The following SLC9A9 variants were observed in gnomAD, a reference collection of about 807,000 sequenced individuals.
SLC9A9 encodes sodium/hydrogen exchanger 9.
Under a neutral mutation model 77.8 loss-of-function variants are expected in SLC9A9, and 62 were observed. The ratio of observed to expected loss-of-function variants is 0.80; its 90% CI spans 0.65 to 0.98. SLC9A9 has a LOEUF of 0.98. SLC9A9 is among the 50% of genes least tolerant of loss of function. The probability of loss-of-function intolerance (pLI) is 0.00; values close to 1 mark genes in which losing one functional copy is unlikely to be tolerated. For missense variants in SLC9A9, 775 were observed against 774.9 expected (o/e 1.00, Z 0.00); for synonymous variants, 320 against 283.5 (o/e 1.13, Z -1.29).
intron 6 of SLC9A9, among the ~76,000 whole-genome samples, chr3:143,620,990 T>C (rs1169787929): frequency 2.0e-5 from 3 of 152,088 alleles, no homozygotes; most frequent in Non-Finnish European, 4.4e-5. Flanking sequence ...GCTCAGAGGG[T>C]CCTATGCCCA....
chr3:143,501,757 TTGAA>T (rs985926533), intron 9 of SLC9A9, among the ~76,000 whole-genome samples: 3 of 150,938 alleles, frequency 2.0e-5, no homozygotes, highest in Non-Finnish European at 2.9e-5. Flanking sequence ...CAACATTTCT[TTGAA>T]TGAACAGTCT....
At chr3:143,576,529 A>C (rs368209590) in intron 7 of SLC9A9, among the ~76,000 whole-genome samples, 103 of 152,274 alleles carry the variant, frequency 6.8e-4, no homozygotes, top group African/African-American at 2.4e-3. Flanking sequence ...CATGCTAGAC[A>C]CTCACAAAAT....
At chr3:143,526,450 C>T (rs891544673) in intron 9 of SLC9A9, among the ~76,000 whole-genome samples, 2 of 152,112 alleles carry the variant, frequency 1.3e-5, no homozygotes, top group Non-Finnish European at 2.9e-5. Flanking sequence ...AATGCAACTC[C>T]AAGCTAATAT....
At chr3:143,697,056 A>G (rs1279175541) in intron 4 of SLC9A9, among the ~76,000 whole-genome samples, 1 of 151,930 alleles carries the variant, frequency 6.6e-6, no homozygotes, top group East Asian at 1.9e-4. Context: ...ATTCAAAGCA[A>G]TCTTCTACAT....
chr3:143,801,034 C>T (rs1252145389), intron 2 of SLC9A9, among the ~76,000 whole-genome samples: 3 of 152,182 alleles, frequency 2.0e-5, no homozygotes, highest in Non-Finnish European at 2.9e-5. Flanking sequence ...TTTTGCCATC[C>T]TAACAAACCC....
intron 14 of SLC9A9, among the ~76,000 whole-genome samples, chr3:143,323,410 A>G (rs1395310312): frequency 6.6e-6 from 1 of 152,214 alleles, no homozygotes; most frequent in Non-Finnish European, 1.5e-5. Context: ...AAACCATGTC[A>G]TTTGCAGCAA....
At chr3:143,810,117 G>A (rs1329152593) in intron 2 of SLC9A9, among the ~76,000 whole-genome samples, 1 of 152,120 alleles carries the variant, frequency 6.6e-6, no homozygotes, top group Non-Finnish European at 1.5e-5. Context: ...ATGTTCACGA[G>A]GATGCAGCAA....
In SLC9A9 at chr3:143,779,623, G is replaced by A. The variant is rs562228996; in HGVS notation, c.533+15378C>T. Among the ~76,000 whole-genome samples the A allele has an allele frequency of 5.3e-5, 8 of 152,108 alleles. No homozygotes were observed. In the East Asian group the frequency reaches 1.2e-3, roughly 22 times the overall value. ...TGACCTCAGGTGATCCATCCACTTC[G>A]GCCTCCCAAAGTGCTGGGATTACAA... On this transcript the variant is annotated intron_variant, in intron 4 of 15. Transcript: ENST00000316549.
intron 5 of SLC9A9, among the ~76,000 whole-genome samples, chr3:143,660,779 A>C (rs1006020673): frequency 6.6e-6 from 1 of 152,186 alleles, no homozygotes; most frequent in African/African-American, 2.4e-5. Flanking sequence ...CCTCTTAGCT[A>C]TAGCACAGCT....
At chr3:143,287,129 C>T (rs986383122) in intron 14 of SLC9A9, among the ~76,000 whole-genome samples, 5 of 144,500 alleles carry the variant, frequency 3.5e-5, no homozygotes, top group Non-Finnish European at 5.9e-5. Context: ...GTGTGTGGAG[C>T]GGGGTGCAGA....
rs533036923 is a variant in SLC9A9 at position 143,542,656 on chromosome 3, G to A, written c.1089+9706C>T. Among the ~76,000 whole-genome samples the A allele has an allele frequency of 9.2e-5, 14 of 152,194 alleles. No individual in the cohort carries two copies. The East Asian group carries it at 2.5e-3, about 27-fold the overall frequency. ...AGATTACCCTAGACATTTGCCTTAC[G>A]CATCCAACTCATTAAATTTAAATTA... On this transcript the variant is annotated intron_variant, in intron 9 of 15. Transcript: ENST00000316549.
intron 8 of SLC9A9, among the ~76,000 whole-genome samples, 157 bp downstream of exon 8, chr3:143,573,931 C>T (rs185036003): frequency 6.6e-6 from 1 of 152,228 alleles, no homozygotes; most frequent in Admixed American, 6.5e-5. Context: ...TTTTTTCTCT[C>T]CAGCGTACCC....
intron 2 of SLC9A9, among the ~76,000 whole-genome samples, chr3:143,829,131 A>G (rs1227861584): frequency 6.6e-6 from 1 of 152,170 alleles, no homozygotes; most frequent in Non-Finnish European, 1.5e-5. Flanking sequence ...GATGAGGTTC[A>G]ATTTAATGAG....
At chr3:143,293,969 GA>G (rs1385931176) in intron 14 of SLC9A9, among the ~76,000 whole-genome samples, 1 of 152,030 alleles carries the variant, frequency 6.6e-6, no homozygotes, top group African/African-American at 2.4e-5. Context: ...AAAACAAATA[GA>G]ACAAATACAA....
At chr3:143,318,823 A>T (rs550323252) in intron 14 of SLC9A9, among the ~76,000 whole-genome samples, 1 of 152,290 alleles carries the variant, frequency 6.6e-6, no homozygotes, top group African/African-American at 2.4e-5. Context: ...CAAGGCAAAG[A>T]GGGTTAGTGA....
chr3:143,805,268 A>T (rs180949759), intron 2 of SLC9A9, among the ~76,000 whole-genome samples: 1 of 151,844 alleles, frequency 6.6e-6, no homozygotes, highest in African/African-American at 2.4e-5. Context: ...CCTTCTAACA[A>T]CCCCACAATA....
chr3:143,634,196 T>C (rs1356705437), intron 6 of SLC9A9, among the ~76,000 whole-genome samples: 1 of 152,110 alleles, frequency 6.6e-6, no homozygotes, highest in Non-Finnish European at 1.5e-5. Flanking sequence ...ATGCTGTCGA[T>C]GATTCCAAAT....
chr3:143,737,565 C>A (rs541918544), intron 4 of SLC9A9, among the ~76,000 whole-genome samples: 1 of 151,848 alleles, frequency 6.6e-6, no homozygotes, highest in South Asian at 2.1e-4. Flanking sequence ...CATCTTGAGT[C>A]TCAAATATGT....
chr3:143,488,989 T>C (rs2035697732), intron 11 of SLC9A9, among the ~76,000 whole-genome samples: 1 of 151,888 alleles, frequency 6.6e-6, no homozygotes, highest in East Asian at 1.9e-4. Flanking sequence ...TAGAATTTCC[T>C]AAAGATTTCA....
Sources: allele counts gnomAD v4.1 joint callset (sites outside exome capture counted in the v4.1 genomes callset), GRCh38; gene constraint gnomAD v4.1.1; transcripts MANE v1.5; gene names NCBI Gene and HGNC (gene_info 2026-07-23, HGNC 2026-07-21).